VWA3B: variants seen among roughly 807,000 people sequenced by gnomAD.
VWA3B encodes the protein von Willebrand factor A domain-containing protein 3B.
Under a neutral mutation model 158.3 loss-of-function variants are expected in VWA3B, and 138 were observed. The ratio of observed to expected loss-of-function variants is 0.87; its 90% CI spans 0.76 to 1.00. The LOEUF (loss-of-function observed/expected upper bound fraction) is 1.00, where lower values mean the gene tolerates loss of function less well. Among genes scored for constraint, VWA3B ranks in the 50% least tolerant of loss-of-function variants. The pLI, the probability that VWA3B is intolerant of heterozygous loss-of-function variation, is 0.00. For synonymous variants in VWA3B, 596 were observed against 587.3 expected, an observed-to-expected ratio of 1.01 and a Z score of -0.21; for missense variants, 1,555 against 1,565.1, an observed-to-expected ratio of 0.99 and a Z score of 0.11.
chr2:98,099,715 A>T (rs994859990), intron 2 of VWA3B, among the ~76,000 whole-genome samples: 6 of 151,878 alleles, frequency 4.0e-5, no homozygotes, highest in Non-Finnish European at 8.8e-5. Context: ...TGCTCTTTTG[A>T]TGCTTTCCCA....
rs915286925 is a variant in VWA3B at position 98,125,028 on chromosome 2, G to A, written c.703-3211G>A. Among the ~76,000 whole-genome samples, 2 of 152,174 alleles carry A rather than the reference G, an allele frequency of 1.3e-5. No homozygotes were observed. On this transcript the variant is annotated intron_variant, in intron 5 of 27. Coordinates refer to ENST00000477737, the MANE Select transcript of VWA3B (RefSeq NM_144992.5). This position sits in a 1 kb window ranked among gnomAD's most constrained non-coding sequence, Gnocchi z 4.1. ...GGAACTCATGTATTTTATCAAATTCGGTGCAAATCAGCATTTAGGGAAATG... is the reference window on the plus strand; with the variant it reads ...GGAACTCATGTATTTTATCAAATTCAGTGCAAATCAGCATTTAGGGAAATG...
intron 22 of VWA3B, among the ~76,000 whole-genome samples, chr2:98,278,208 C>T (rs1478177196): frequency 1.3e-5 from 2 of 152,116 alleles, no homozygotes; most frequent in East Asian, 1.9e-4. Context: ...TTACTCAGCC[C>T]GTGGCTCTCA....
At chr2:98,327,060 C>T in the VWA3B span, among the ~76,000 whole-genome samples, 22 of 151,540 alleles carry the variant, frequency 1.5e-4, no homozygotes, top group East Asian at 1.9e-3. Context: ...TTTGGGAAGC[C>T]GAGCCAGGCA....
At position 98,183,843 on chromosome 2, in the gene VWA3B, T is replaced by C. The variant is rs1204122821; in HGVS notation, c.1311+2631T>C. ...CCCTTCATATTTGTGAAATGGGTAG[T>C]GTAAAGTGCAAATTTACAAATGCAT... On this transcript the variant is annotated intron_variant, in intron 9 of 27. Coordinates refer to ENST00000477737, the MANE Select transcript of VWA3B (RefSeq NM_144992.5). Among the ~76,000 whole-genome samples the C allele has an allele frequency of 2.0e-5, 3 of 152,386 alleles. No homozygotes were observed. In the East Asian group the frequency reaches 5.8e-4, roughly 29 times the overall value.
intron 7 of VWA3B, among the ~76,000 whole-genome samples, chr2:98,162,370 C>G (rs1457478393): frequency 6.6e-6 from 1 of 152,088 alleles, no homozygotes; most frequent in Non-Finnish European, 1.5e-5. Context: ...AGTAGAGGTC[C>G]AGAAAAGGAG....
At chr2:98,265,000 A>ATTTATTAAGT (rs2105860780) in intron 21 of VWA3B, among the ~76,000 whole-genome samples, 1 of 109,324 alleles carries the variant, frequency 9.1e-6, no homozygotes, top group South Asian at 2.5e-4. Context: ...ATTAAGTCAT[A>ATTTATTAAGT]AGTTGATATA....
chr2:98,281,936 G>A (rs1230087255), intron 22 of VWA3B, among the ~76,000 whole-genome samples: 1 of 152,156 alleles, frequency 6.6e-6, no homozygotes, highest in African/African-American at 2.4e-5. Context: ...AGCCTTTCCT[G>A]CTGTCTCTCT....
At chr2:98,159,786 G>T (rs1035760419) in intron 7 of VWA3B, among the ~76,000 whole-genome samples, 6 of 151,790 alleles carry the variant, frequency 4.0e-5, no homozygotes. Context: ...GGAGGCTGAG[G>T]CGGGTGGATC....
chr2:98,164,692 A>G (rs933529504), intron 8 of VWA3B, among the ~76,000 whole-genome samples: 16 of 152,238 alleles, frequency 1.1e-4, no homozygotes, highest in African/African-American at 3.4e-4. Flanking sequence ...GTTGGTTTCC[A>G]TGATTTAATT....
At chr2:98,186,195 G>A (rs1408464617) in intron 9 of VWA3B, among the ~76,000 whole-genome samples, 1 of 145,170 alleles carries the variant, frequency 6.9e-6, no homozygotes, top group Non-Finnish European at 1.5e-5. Flanking sequence ...TACACTGCTG[G>A]TTATCCTCCC....
At chr2:98,131,053 C>T (rs1425943218) in intron 6 of VWA3B, among the ~76,000 whole-genome samples, 1 of 152,168 alleles carries the variant, frequency 6.6e-6, no homozygotes, top group Non-Finnish European at 1.5e-5. Flanking sequence ...TGAACCTACT[C>T]CTTCTATCTC....
intron 6 of VWA3B, among the ~76,000 whole-genome samples, chr2:98,131,569 A>G (rs1228068509): frequency 6.6e-6 from 1 of 152,198 alleles, no homozygotes; most frequent in Non-Finnish European, 1.5e-5. Flanking sequence ...CCCACCAACA[A>G]TTTATAAGAC....
At position 98,093,235 on chromosome 2, in the gene VWA3B, A is replaced by G. The variant is rs772349174; in HGVS notation, c.143A>G (p.Asn48Ser). Reference protein sequence around the residue: ...KWLQLHGLKSNKLTLKQILSQ... With the variant: ...KWLQLHGLKSSKLTLKQILSQ... ...CTTCAACTGCATGGGCTTAAGAGCA[A>G]CAAATTGACCTTGAAACAGATTTTG... Residue 48 changes from asparagine to serine, a missense_variant, in exon 2 of 28, where the codon AAC becomes AGC. Coordinates refer to ENST00000477737, the MANE Select transcript of VWA3B (RefSeq NM_144992.5). The G allele has an allele frequency of 3.2e-5, 52 of 1,614,050 alleles. No homozygotes were observed. The highest frequency in any genetic ancestry group is 4.4e-5 in the Non-Finnish European group (52 of 1,180,024).
At position 98,273,821 on chromosome 2, in the gene VWA3B, T is replaced by G. The variant is rs1280725199; in HGVS notation, c.3045+2938T>G. On this transcript the variant is annotated intron_variant, in intron 22 of 27. Coordinates refer to ENST00000477737, the MANE Select transcript of VWA3B (RefSeq NM_144992.5). ...CAGCAGAATTTGCTGGCATATTCTTTTATCTATACTTTATATTAAATTTGC... is the reference window on the plus strand; with the variant it reads ...CAGCAGAATTTGCTGGCATATTCTTGTATCTATACTTTATATTAAATTTGC... 6.6e-5 allele frequency among the ~76,000 whole-genome samples: 10 copies of G among 152,176 alleles called. No homozygotes were observed. The South Asian group carries it at 1.2e-3, about 19-fold the overall frequency.
intron 26 of VWA3B, among the ~76,000 whole-genome samples, chr2:98,304,563 A>G (rs1690399249): frequency 6.6e-6 from 1 of 152,118 alleles, no homozygotes; most frequent in Non-Finnish European, 1.5e-5. Context: ...ACCATCAGAC[A>G]TCCTCTCCCT....
chr2:98,312,204 C>T lies in VWA3B; in HGVS notation c.3740C>T (p.Ala1247Val). 1 of 1,614,188 alleles carries T rather than the reference C, an allele frequency of 6.2e-7. No individual in the cohort carries two copies. Among genetic ancestry groups the T allele is most frequent in the South Asian group, 1.1e-5 (1 of 91,078 alleles). ...CQGTHPEPRT[A>V]HLHFPAAGRL... ...TGCTGAACTCTGCTTCCCCAGACAG[C>T]CCACCTCCACTTCCCCGCGGCCGGG... is the stretch of plus-strand genomic sequence containing the variant. The change falls in exon 28 of 28, where the codon GCC becomes GTC. Residue 1247 changes from alanine to valine, a missense_variant. Ala to Val is a moderately conservative substitution (Grantham distance 64). Coordinates refer to ENST00000477737, the MANE Select transcript of VWA3B (RefSeq NM_144992.5).
rs148988171 is a variant in VWA3B at position 98,128,239 on chromosome 2, A to G, written c.703A>G (p.Ile235Val). 9.3e-5 allele frequency: 150 copies of G among 1,614,044 alleles called. No individual in the cohort carries two copies. In the East Asian group the frequency reaches 3.3e-3, roughly 36 times the overall value. The change falls in exon 6 of 28, where the codon ATT becomes GTT. Residue 235 changes from isoleucine (I) to valine (V), a missense_variant and splice_region_variant. Ile to Val is a conservative substitution (Grantham distance 29). Coordinates refer to ENST00000477737, the MANE Select transcript of VWA3B (RefSeq NM_144992.5). ...AACCGTTGGCACCACTGTTTTGCAG[A>G]TTGAATCCATTTACTACTTTGTGGT... The part of the protein sequence containing the change: ...ALLEAGRDKT[I>V]ESIYYFVVGD...
intron 22 of VWA3B, among the ~76,000 whole-genome samples, chr2:98,284,770 G>A (rs1689068136): frequency 6.6e-6 from 1 of 152,126 alleles, no homozygotes; most frequent in Non-Finnish European, 1.5e-5. Context: ...CAATTGGGAT[G>A]GAGGACTAAT....
At chr2:98,257,022 TG>T (rs1687198207) in intron 21 of VWA3B, among the ~76,000 whole-genome samples, 1 of 152,166 alleles carries the variant, frequency 6.6e-6, no homozygotes, top group South Asian at 2.1e-4. Context: ...CCTACTGTGT[TG>T]TCAAGTGTTA....
Sources: gnomAD v4.1 joint callset for allele counts (sites outside exome capture counted in the v4.1 genomes callset) on GRCh38, gnomAD v4.1.1 for gene constraint, Gnocchi (gnomAD v3.1) non-coding constraint, MANE v1.5 for transcripts, NCBI Gene and HGNC (gene_info 2026-07-23, HGNC 2026-07-21) for gene names.